AUH: variants seen among roughly 807,000 people sequenced by gnomAD.
AUH encodes the protein methylglutaconyl-CoA hydratase, mitochondrial.
In AUH, 29 loss-of-function variants were observed where a neutral mutation model predicts 42.3. The observed-to-expected ratio is 0.69, with a 90% CI of 0.51 to 0.93. The LOEUF is 0.93. Among genes scored for constraint, AUH ranks in the 40% least tolerant of loss-of-function variants. The probability of loss-of-function intolerance (pLI) is 0.00; values close to 1 mark genes in which losing one functional copy is unlikely to be tolerated. For synonymous variants in AUH, 174 were observed against 166.4 expected (o/e 1.05, Z -0.35); for missense variants, 452 against 438.1 (o/e 1.03, Z -0.28).
chr9:91,297,925 G>T, intron 5 of AUH, 59 bp downstream of exon 5: 1 of 1,283,802 alleles, frequency 7.8e-7, no homozygotes, highest in Non-Finnish European at 1.1e-6. Flanking sequence ...AAAATTACCT[G>T]AAGAGTAAAC....
At chr9:91,256,041 T>C (rs1829387937) in intron 6 of AUH, among the ~76,000 whole-genome samples, 2 of 152,164 alleles carry the variant, frequency 1.3e-5, no homozygotes, top group South Asian at 4.1e-4. Context: ...TTTATTTCAG[T>C]TATATCTTAT....
At chr9:91,336,456 C>G (rs1400721953) in intron 3 of AUH, among the ~76,000 whole-genome samples, 2 of 151,856 alleles carry the variant, frequency 1.3e-5, no homozygotes, top group Admixed American at 6.6e-5. Context: ...ATGGCAAAAC[C>G]CTGTCTCTAC....
intron 6 of AUH, among the ~76,000 whole-genome samples, chr9:91,243,278 C>T (rs1450552020): frequency 6.6e-6 from 1 of 152,208 alleles, no homozygotes; most frequent in Non-Finnish European, 1.5e-5. Flanking sequence ...GCTATCTTTG[C>T]CAGGGCTAAG....
At chr9:91,306,595 A>C (rs576454329) in intron 4 of AUH, among the ~76,000 whole-genome samples, 3 of 152,220 alleles carry the variant, frequency 2.0e-5, no homozygotes, top group Admixed American at 2.0e-4. Context: ...CTTTTTATAA[A>C]TGTAGACTCC....
intron 6 of AUH, among the ~76,000 whole-genome samples, chr9:91,281,013 G>A (rs1825918379): frequency 1.3e-5 from 2 of 152,046 alleles, no homozygotes; most frequent in Admixed American, 6.6e-5. Context: ...ATTTCTCTGG[G>A]CTTGTTTAGG....
intron 7 of AUH, among the ~76,000 whole-genome samples, chr9:91,219,196 G>A (rs1826992699): frequency 6.6e-6 from 1 of 152,196 alleles, no homozygotes; most frequent in Non-Finnish European, 1.5e-5. Flanking sequence ...AAGCATCATG[G>A]GAGAGAGAGC....
rs1044560644 is a variant in AUH at position 91,283,548 on chromosome 9, C to T, written c.655+12473G>A. Among the ~76,000 whole-genome samples the T allele has an allele frequency of 8.5e-5, 13 of 152,204 alleles. No individual in the cohort carries two copies. In the East Asian group the frequency reaches 9.7e-4, roughly 11 times the overall value. On this transcript the variant is annotated intron_variant, in intron 6 of 9. Transcript: ENST00000375731. ...TCCCTGTTTGCAGATGATATGATTG[C>T]ATATTTAGAAAACCCCATTGTCTCA...
intron 4 of AUH, among the ~76,000 whole-genome samples, chr9:91,313,698 C>A (rs1231968542): frequency 8.5e-6 from 1 of 118,330 alleles, no homozygotes; most frequent in Non-Finnish European, 1.6e-5. Flanking sequence ...GGCGACAAAG[C>A]GAGACTCCGT....
chr9:91,351,072 C>A (rs77783396), intron 3 of AUH, among the ~76,000 whole-genome samples: 13 of 151,866 alleles, frequency 8.6e-5, no homozygotes, highest in Non-Finnish European at 1.8e-4. Context: ...CAAGCTCATG[C>A]GACTCTCCCA....
chr9:91,274,275 T>C (rs1267687852), intron 6 of AUH, among the ~76,000 whole-genome samples: 1 of 152,234 alleles, frequency 6.6e-6, no homozygotes, highest in Non-Finnish European at 1.5e-5. Flanking sequence ...ACCTATCATG[T>C]AATGAGCAAT....
At chr9:91,288,013 T>C (rs1376774905) in intron 6 of AUH, among the ~76,000 whole-genome samples, 1 of 152,034 alleles carries the variant, frequency 6.6e-6, no homozygotes, top group Non-Finnish European at 1.5e-5. Context: ...GTTTTACTGC[T>C]ATTCAAACTT....
chr9:91,215,638 AC>A (rs1826779168), intron 9 of AUH, among the ~76,000 whole-genome samples: 1 of 152,162 alleles, frequency 6.6e-6, no homozygotes, highest in African/African-American at 2.4e-5. Context: ...TCATTAGTGA[AC>A]TTTCAGTGGT....
chr9:91,293,845 C>T (rs1468245734), intron 6 of AUH, among the ~76,000 whole-genome samples: 1 of 152,208 alleles, frequency 6.6e-6, no homozygotes, highest in Non-Finnish European at 1.5e-5. Context: ...GAAGAGAAGT[C>T]AATGCCTGGC....
chr9:91,355,114 T>C (rs924916239), intron 3 of AUH, among the ~76,000 whole-genome samples: 3 of 152,228 alleles, frequency 2.0e-5, no homozygotes, highest in Non-Finnish European at 1.5e-5. Flanking sequence ...CTTTTCGGTA[T>C]CCTACATTTT....
At chr9:91,279,245 T>C (rs1340151245) in intron 6 of AUH, among the ~76,000 whole-genome samples, 2 of 152,210 alleles carry the variant, frequency 1.3e-5, no homozygotes, top group African/African-American at 4.8e-5. Flanking sequence ...TTACATGTAT[T>C]ATCCTAGTCA....
At chr9:91,225,239 C>A (rs1433811948) in intron 6 of AUH, among the ~76,000 whole-genome samples, 2 of 152,224 alleles carry the variant, frequency 1.3e-5, no homozygotes, top group African/African-American at 4.8e-5. Context: ...GTAGCATCCA[C>A]CTCCTAGGCT....
intron 4 of AUH, among the ~76,000 whole-genome samples, chr9:91,313,711 C>CAAAAAAAAAAA (rs775229436): frequency 2.9e-5 from 2 of 68,892 alleles, no homozygotes; most frequent in East Asian, 3.9e-4. Flanking sequence ...GACTCCGTCT[C>CAAAAAAAAAAA]AAAAAAAAAA....
intron 6 of AUH, among the ~76,000 whole-genome samples, chr9:91,240,686 T>C (rs995157837): frequency 1.3e-5 from 2 of 151,798 alleles, no homozygotes; most frequent in Non-Finnish European, 2.9e-5. Flanking sequence ...TCAATTTAAA[T>C]TTAAATCATT....
At chr9:91,272,023 T>C (rs1010438768) in intron 6 of AUH, among the ~76,000 whole-genome samples, 26 of 152,182 alleles carry the variant, frequency 1.7e-4, no homozygotes, top group African/African-American at 6.0e-4. Context: ...GACTTTTCTA[T>C]ATATATTGCA....
Sources: gnomAD v4.1 joint callset for allele counts (sites outside exome capture counted in the v4.1 genomes callset) on GRCh38, gnomAD v4.1.1 for gene constraint, MANE v1.5 for transcripts, NCBI Gene and HGNC (gene_info 2026-07-23, HGNC 2026-07-21) for gene names.